The following KRT8 variants were observed in gnomAD, a reference collection of about 807,000 sequenced individuals.
The protein encoded by KRT8 is keratin 8.
Under a neutral mutation model 43.0 loss-of-function variants are expected in KRT8, and 24 were observed. The ratio of observed to expected loss-of-function variants is 0.56; its 90% confidence interval spans 0.40 to 0.78. The LOEUF (loss-of-function observed/expected upper bound fraction) is 0.78, where lower values mean the gene tolerates loss of function less well. Ranked by LOEUF, KRT8 falls within the 30% of genes least tolerant of loss-of-function variation. The pLI, the probability that KRT8 is intolerant of heterozygous loss-of-function variation, is 0.00. For synonymous variants in KRT8, 214 were observed against 261.2 expected, an observed-to-expected ratio of 0.82 and a Z score of 1.74; for missense variants, 492 against 638.4, an observed-to-expected ratio of 0.77 and a Z score of 2.47.
intron 2 of KRT8, among the ~76,000 whole-genome samples, chr12:52,934,837 C>T (rs1942140179): frequency 2.0e-5 from 3 of 151,776 alleles, no homozygotes; most frequent in South Asian, 2.1e-4. Flanking sequence ...GGCATGGTGG[C>T]GTATGCCTGT....
intron 2 of KRT8, among the ~76,000 whole-genome samples, chr12:52,942,158 A>G (rs963236526): frequency 1.3e-5 from 2 of 152,132 alleles, no homozygotes; most frequent in African/African-American, 2.4e-5. Context: ...ACAGCCTTAA[A>G]GCTCCATGTT....
intron 2 of KRT8, chr12:52,926,332 G>GGCCCCCCCCCCCCCCC: frequency 1.0e-4 from 63 of 600,134 alleles, no homozygotes; most frequent in Middle Eastern, 2.8e-4. Flanking sequence ...GGCACTAGCT[G>GGCCCCCCCCCCCCCCC]CCCTCCCCAC....
upstream of KRT8, among the ~76,000 whole-genome samples, chr12:52,908,188 C>T (rs1265330939): frequency 2.6e-5 from 4 of 152,104 alleles, no homozygotes; most frequent in Non-Finnish European, 5.9e-5. Context: ...TAGCTGTTAT[C>T]ATCACTCATG....
At chr12:52,906,694 G>A (rs1033648284), upstream of KRT8, 2 of 455,866 alleles carry the variant, frequency 4.4e-6, no homozygotes. Flanking sequence ...AGGGTGTGAT[G>A]TGGGGACTGG....
chr12:52,905,115 G>C (rs953130983), upstream of KRT8: 1 of 1,442,636 alleles, frequency 6.9e-7, no homozygotes, highest in African/African-American at 1.4e-5. Context: ...GGGGGATGGG[G>C]GGGAAAGGCC....
chr12:52,911,188 C>A (rs942085814), upstream of KRT8, among the ~76,000 whole-genome samples: 5 of 152,090 alleles, frequency 3.3e-5, no homozygotes, highest in African/African-American at 4.8e-5. Flanking sequence ...CCCATTTCTA[C>A]TAAAAATACA....
intron 2 of KRT8, among the ~76,000 whole-genome samples, chr12:52,943,407 G>A (rs1273810087): frequency 6.6e-6 from 1 of 152,092 alleles, no homozygotes; most frequent in East Asian, 1.9e-4. Context: ...CTTTCATGAC[G>A]TCCTCTCTCC....
chr12:52,931,284 G>A (rs1178067013), intron 2 of KRT8, among the ~76,000 whole-genome samples: 1 of 151,712 alleles, frequency 6.6e-6, no homozygotes, highest in African/African-American at 2.4e-5. Flanking sequence ...AGCCAGGATG[G>A]TCTCAATCTC....
intron 2 of KRT8, among the ~76,000 whole-genome samples, chr12:52,917,992 G>T (rs1462137533): frequency 7.7e-6 from 1 of 130,010 alleles, no homozygotes; most frequent in South Asian, 2.7e-4. Context: ...GAAGAAGAAG[G>T]AGAGGAAGGA....
intron 2 of KRT8, among the ~76,000 whole-genome samples, chr12:52,937,197 C>A (rs949151510): frequency 6.6e-6 from 1 of 151,034 alleles, no homozygotes; most frequent in South Asian, 2.1e-4. Flanking sequence ...ACCGTGAAAC[C>A]CTGTCTCTAC....
At chr12:52,940,509 T>G (rs1942249847) in intron 2 of KRT8, among the ~76,000 whole-genome samples, 1 of 151,206 alleles carries the variant, frequency 6.6e-6, no homozygotes, top group African/African-American at 2.4e-5. Flanking sequence ...TATACAACAT[T>G]ATGGAAAGGG....
intron 2 of KRT8, among the ~76,000 whole-genome samples, chr12:52,945,449 C>G (rs149088507): frequency 3.3e-5 from 5 of 152,290 alleles, no homozygotes; most frequent in Admixed American, 6.5e-5. Flanking sequence ...GTTCCGAACA[C>G]CTCCCTCCTC....
intron 1 of KRT8, among the ~76,000 whole-genome samples, chr12:52,903,019 C>CA (rs896839394): frequency 3.3e-5 from 5 of 151,960 alleles, no homozygotes; most frequent in Non-Finnish European, 7.4e-5. Context: ...CTCAAACAAA[C>CA]AAAAAAACTT....
chr12:52,900,173 A>C, intron 4 of KRT8, 108 bp from the exon 5 acceptor site: 1 of 1,141,454 alleles, frequency 8.8e-7, no homozygotes, highest in Non-Finnish European at 1.2e-6. Context: ...AGAGGAGAGG[A>C]GCAGGTGGGA....
chr12:52,922,297 C>T (rs1316506124), intron 2 of KRT8, among the ~76,000 whole-genome samples: 2 of 151,900 alleles, frequency 1.3e-5, no homozygotes, highest in Non-Finnish European at 2.9e-5. Flanking sequence ...CTTATACCTC[C>T]CTCTCTCCCT....
In KRT8 at chr12:52,924,448, C is replaced by CA. The variant is rs67999410; in HGVS notation, c.-46-19422dup. 9.7e-3 allele frequency among the ~76,000 whole-genome samples: 1,075 copies of CA among 110,910 alleles called. 16 individuals are homozygous for CA. The highest frequency in any genetic ancestry group is 0.033 in the African/African-American group (857 of 26,084). 72.8% of individuals were successfully genotyped at this position (110,910 alleles called of 152,430 possible). ...TGGGCGACAGAGGGAGACTCCGTCTCAAAAAAAAAAAAAAAAATCATACTT... is the reference window on the plus strand; with the variant it reads ...TGGGCGACAGAGGGAGACTCCGTCTCAAAAAAAAAAAAAAAAAATCATACTT... On this transcript the variant is annotated intron_variant, in intron 2 of 6. Transcript: ENST00000546826.
chr12:52,905,108 G>A (rs1941484103), upstream of KRT8: 7 of 1,452,594 alleles, frequency 4.8e-6, no homozygotes, highest in South Asian at 1.0e-4. Flanking sequence ...CAGCCCCGGG[G>A]GATGGGGGGG....
At chr12:52,898,658 G>T (rs751073052) in intron 6 of KRT8, 21 bp downstream of exon 6, 2 of 1,614,136 alleles carry the variant, frequency 1.2e-6, no homozygotes, top group Admixed American at 1.7e-5. Context: ...AGCAGGTCCG[G>T]TCAGAGGTAC....
intron 2 of KRT8, among the ~76,000 whole-genome samples, chr12:52,927,232 C>A (rs1942009264): frequency 6.6e-6 from 1 of 152,140 alleles, no homozygotes; most frequent in Admixed American, 6.6e-5. Context: ...GTTTGATAGA[C>A]CCAGGAGAGT....
Sources: allele counts gnomAD v4.1 joint callset (sites outside exome capture counted in the v4.1 genomes callset), GRCh38; gene constraint gnomAD v4.1.1; transcripts MANE v1.5; gene names NCBI Gene and HGNC (gene_info 2026-07-23, HGNC 2026-07-21).